Variants in MTOR observed in about 807,000 individuals in gnomAD.
The protein encoded by MTOR is serine/threonine-protein kinase mTOR.
A neutral mutation model predicts 319.8 loss-of-function variants in MTOR; 70 were observed. The observed-to-expected ratio is 0.22, with a 90% CI of 0.18 to 0.27. MTOR has a LOEUF of 0.27. Ranked by LOEUF, MTOR falls within the 10% of genes least tolerant of loss-of-function variation. MTOR has a pLI of 1.00. For missense variants in MTOR, 1,890 were observed against 3,274.4 expected, an observed-to-expected ratio of 0.58 and a Z score of 10.32; for synonymous variants, 1,183 against 1,211.4, an observed-to-expected ratio of 0.98 and a Z score of 0.49.
At chr1:11,240,640 C>CA in intron 10 of MTOR, 93 bp from the exon 11 acceptor site, 1 of 1,474,796 alleles carries the variant, frequency 6.8e-7, no homozygotes, top group Non-Finnish European at 9.2e-7. Context: ...GCAAGGGGAT[C>CA]AGGCCTCTGT....
In MTOR at chr1:11,182,299, CATGGGGATTT is replaced by C. The variant is rs536774007; in HGVS notation, c.4254-14792_4254-14783del. 2.5e-4 allele frequency among the ~76,000 whole-genome samples: 37 copies of C among 150,494 alleles called. No individual in the cohort carries two copies. In the South Asian group the frequency reaches 2.9e-3, roughly 12 times the overall value. ...AGAGAACAGAGTGCTTAGAGAAAAA[CATGGGGATTT>C]ATGGGGATTTATGTTAGACTAGAGT... On this transcript the variant is annotated intron_variant, in intron 28 of 57. Coordinates refer to ENST00000361445, the MANE Select transcript of MTOR (RefSeq NM_004958.4).
chr1:11,234,726 G>A (rs2788571), intron 13 of MTOR, among the ~76,000 whole-genome samples: 1,750 of 152,292 alleles, frequency 0.011, 49 homozygotes, highest in African/African-American at 0.04. Flanking sequence ...CAGCTATGAT[G>A]CCAAGAGAAG....
In MTOR at chr1:11,129,953, C is replaced by A. The variant is rs918970991; in HGVS notation, c.5614-115G>T. On this transcript the variant is annotated intron_variant, in intron 39 of 57. Coordinates refer to ENST00000361445, the MANE Select transcript of MTOR (RefSeq NM_004958.4). The surrounding 1 kb of genome is among the most constrained non-coding windows in gnomAD (Gnocchi z 4.7). Reference sequence around the variant, plus strand: ...CAAAGGGTGGTTATAACAATTAAATCGGTTAATGCATGAAAAATCTTTAAT... The same window carrying A: ...CAAAGGGTGGTTATAACAATTAAATAGGTTAATGCATGAAAAATCTTTAAT... The A allele has an allele frequency of 2.2e-5, 18 of 816,668 alleles. No individual in the cohort carries two copies. The highest frequency in any genetic ancestry group is 8.5e-5 in the African/African-American group (5 of 58,492). 50.6% of individuals were successfully genotyped at this position (816,668 alleles called of 1,614,324 possible).
rs1489177609 is a variant in MTOR at position 11,133,625 on chromosome 1, T to C, written c.5247-428A>G. On this transcript the variant is annotated intron_variant, in intron 37 of 57. Transcript: ENST00000361445. The surrounding 1 kb of genome is among the most constrained non-coding windows in gnomAD (Gnocchi z 4.0). ...CTGCTACTGTATTCCAAGTGCTGCT[T>C]GAAATGCTTGGCATTGTACTCTTTG... Among the ~76,000 whole-genome samples, 6 of 152,364 alleles carry C rather than the reference T, an allele frequency of 3.9e-5. No homozygotes were observed. The highest frequency in any genetic ancestry group is 2.1e-4 in the South Asian group (1 of 4,828).
At chr1:11,174,193 A>G (rs1431526796) in intron 28 of MTOR, among the ~76,000 whole-genome samples, 3 of 152,216 alleles carry the variant, frequency 2.0e-5, no homozygotes, top group African/African-American at 4.8e-5. Context: ...GGTATACTGC[A>G]AGCTCTGCAA....
rs572248294 is a variant in MTOR at position 11,128,299 on chromosome 1, C to T, written c.5910+155G>A. ...AACGCTTTCTTTTTAGCAAGGCTCC[C>T]GGGCCCTCTGGGACGGCTGGCTGGA... On this transcript the variant is annotated intron_variant, in intron 42 of 57. Coordinates refer to ENST00000361445, the MANE Select transcript of MTOR (RefSeq NM_004958.4). The surrounding 1 kb of genome is among the most constrained non-coding windows in gnomAD (Gnocchi z 5.3). Among the ~76,000 whole-genome samples, 3 of 152,294 alleles carry T rather than the reference C, an allele frequency of 2.0e-5. No individual in the cohort carries two copies. Among genetic ancestry groups the T allele is most frequent in the Non-Finnish European group, 2.9e-5 (2 of 68,026 alleles).
chr1:11,233,812 G>C (rs138286769), intron 14 of MTOR, among the ~76,000 whole-genome samples: 1 of 152,156 alleles, frequency 6.6e-6, no homozygotes. Context: ...AGATTTGAAG[G>C]TTGTTTCAGA....
chr1:11,149,149 G>C (rs1239085310), intron 31 of MTOR: 1 of 152,162 alleles, frequency 6.6e-6, no homozygotes, highest in African/African-American at 2.4e-5. Flanking sequence ...TGAATGTGTA[G>C]GTGTATGACC....
In MTOR at chr1:11,130,751, G is replaced by T; in HGVS notation, c.5391C>A (p.Asn1797Lys). The T allele has an allele frequency of 6.3e-7, 1 of 1,578,128 alleles. No individual in the cohort carries two copies. The highest frequency in any genetic ancestry group is 2.3e-5 in the East Asian group (1 of 43,638). Residue 1797 changes from asparagine to lysine, a missense_variant, in exon 39 of 58, where the codon AAC (asparagine) becomes AAA (lysine). Asn to Lys is a moderately conservative substitution (Grantham distance 94). Transcript: ENST00000361445. ...YKAWHAWAVM[N>K]FEAVLHYKHQ... The stretch of plus-strand genomic sequence containing the variant: ...GTTTGTAGTGTAGCACAGCTTCGAA[G>T]TTCATCACTGCCCACGCATGCCAGG...
intron 28 of MTOR, chr1:11,189,623 T>C: frequency 1.9e-6 from 3 of 1,613,816 alleles, no homozygotes; most frequent in Non-Finnish European, 2.5e-6. Flanking sequence ...CTCTGCATTT[T>C]CATCGTGGCC....
Position 11,218,291 on chromosome 1 carries a change from A to G in MTOR, c.3031-2057T>C, listed in dbSNP as rs546288230. 1.9e-4 allele frequency among the ~76,000 whole-genome samples: 29 copies of G among 152,146 alleles called. No individual in the cohort carries two copies. The South Asian group carries it at 3.7e-3, about 20-fold the overall frequency. On this transcript the variant is annotated intron_variant, in intron 19 of 57. Transcript: ENST00000361445. ...CTAAAAATACAAAATTTAGCTGGGC[A>G]TGGTGGCATGTGCCTGTAATCCCAG...
intron 19 of MTOR, among the ~76,000 whole-genome samples, chr1:11,222,741 T>C (rs1363602757): frequency 1.3e-5 from 2 of 151,974 alleles, no homozygotes; most frequent in African/African-American, 4.8e-5. Flanking sequence ...GAGAGATATG[T>C]CATGGAAAAA....
At chr1:11,178,779 A>G (rs184436688) in intron 28 of MTOR, among the ~76,000 whole-genome samples, 180 of 152,332 alleles carry the variant, frequency 1.2e-3, no homozygotes, top group Non-Finnish European at 4.4e-5. Flanking sequence ...CTCTTGACTC[A>G]AAACTGAGGT....
intron 30 of MTOR, among the ~76,000 whole-genome samples, chr1:11,154,581 T>C (rs1644259897): frequency 6.6e-6 from 1 of 152,156 alleles, no homozygotes; most frequent in Non-Finnish European, 1.5e-5. Context: ...TAAATTTTCA[T>C]GCAAAACATT....
At chr1:11,162,926 A>C (rs1166879859) in intron 29 of MTOR, among the ~76,000 whole-genome samples, 3 of 152,244 alleles carry the variant, frequency 2.0e-5, no homozygotes, top group Non-Finnish European at 4.4e-5. Context: ...TCAAATTCAC[A>C]CATAACAATA....
Position 11,127,230 on chromosome 1 carries a change from C to A in MTOR, c.6217-86G>T, listed in dbSNP as rs2100403888. On this transcript the variant is annotated intron_variant, in intron 44 of 57. Coordinates refer to ENST00000361445, the MANE Select transcript of MTOR (RefSeq NM_004958.4). This position sits in a 1 kb window ranked among gnomAD's most constrained non-coding sequence, Gnocchi z 5.5. ...AATCCCCAGGCTGACTGCAGATATTCCTCAGGAGCCCGCTGTGGCCTGAAA... is the reference window on the plus strand; with the variant it reads ...AATCCCCAGGCTGACTGCAGATATTACTCAGGAGCCCGCTGTGGCCTGAAA... 6 of 1,564,494 alleles carry A rather than the reference C, an allele frequency of 3.8e-6. No individual in the cohort carries two copies. Among genetic ancestry groups the A allele is most frequent in the South Asian group, 1.2e-5 (1 of 84,884 alleles).
chr1:11,175,008 C>T (rs188189347), intron 28 of MTOR, among the ~76,000 whole-genome samples: 42 of 152,328 alleles, frequency 2.8e-4, no homozygotes. Flanking sequence ...ACAGGTCAAT[C>T]AGATTTCCCA....
intron 6 of MTOR, among the ~76,000 whole-genome samples, chr1:11,251,655 C>CTTTTTTTTTTT (rs761523542): frequency 1.8e-5 from 2 of 113,716 alleles, no homozygotes; most frequent in Non-Finnish European, 1.9e-5. Context: ...TAGATAGTTT[C>CTTTTTTTTTTT]TTTTTTTTTT....
chr1:11,238,165 T>C (rs1647463985), intron 12 of MTOR, 117 bp from the exon 13 acceptor site: 2 of 1,038,516 alleles, frequency 1.9e-6, no homozygotes, highest in African/African-American at 3.2e-5. Flanking sequence ...CTTTTTCTCA[T>C]CTAACCTCTG....
Sources: gnomAD v4.1 joint callset for allele counts (sites outside exome capture counted in the v4.1 genomes callset) on GRCh38, gnomAD v4.1.1 for gene constraint, Gnocchi (gnomAD v3.1) non-coding constraint, MANE v1.5 for transcripts, NCBI Gene and HGNC (gene_info 2026-07-23, HGNC 2026-07-21) for gene names.